MTMR8: variants seen among roughly 807,000 people sequenced by gnomAD.
MTMR8 encodes the protein myotubularin related protein 8.
MTMR8 carries 65 observed loss-of-function variants against 39.3 expected under a neutral mutation model. That is an observed-to-expected ratio of 1.65 (90% confidence interval 1.35 to 2.03). The LOEUF is 2.03. Ranked by LOEUF, MTMR8 falls within the 30% of genes most tolerant of loss-of-function variation. The probability of loss-of-function intolerance (pLI) is 0.00; values close to 1 mark genes in which losing one functional copy is unlikely to be tolerated. For synonymous variants in MTMR8, 245 were observed against 185.2 expected (o/e 1.32, Z -2.62); for missense variants, 777 against 538.9 (o/e 1.44, Z -4.37).
chrX:64,343,848 A>G (rs1569224833), intron 7 of MTMR8, 128 bp from the exon 8 acceptor site: 13 of 478,065 alleles, frequency 2.7e-5, no homozygotes, highest in Non-Finnish European at 4.7e-5. Context: ...TTAGTTAGAA[A>G]CCACACAGTG....
At chrX:64,388,814 C>G in intron 1 of MTMR8, among the ~76,000 whole-genome samples, 1 of 112,245 alleles carries the variant, frequency 8.9e-6, no homozygotes, top group Admixed American at 9.4e-5. Context: ...TTCTCGGAGC[C>G]TTTAATAGGT....
intron 12 of MTMR8, among the ~76,000 whole-genome samples, chrX:64,325,803 G>T (rs1323926372): frequency 8.9e-6 from 1 of 111,735 alleles, no homozygotes; most frequent in East Asian, 2.8e-4. Context: ...TTAGGCAAGA[G>T]AAAGAAATGA....
At chrX:64,322,212 G>T (rs1005230238) in intron 12 of MTMR8, among the ~76,000 whole-genome samples, 1 of 109,346 alleles carries the variant, frequency 9.1e-6, no homozygotes, top group African/African-American at 3.3e-5. Context: ...TGCCCAGACT[G>T]GTCTCAAACT....
At chrX:64,304,935 C>T (rs12848291) in intron 12 of MTMR8, 15 of 76,205 alleles carry the variant, frequency 2.0e-4, no homozygotes, top group African/African-American at 5.0e-4. Flanking sequence ...TACACATATA[C>T]ACACATATAT....
rs377028958 is a variant in MTMR8, at chrX:64,329,812, G to GA, written c.1353-913dup. On this transcript the variant is annotated intron_variant, in intron 11 of 13. Transcript: ENST00000374852. Reference sequence around the variant, plus strand: ...TCTCATTTGCTGTTGGTTTATAACAGAAAAAAAAAAATATTGCGTTGGTAA... The same window carrying GA: ...TCTCATTTGCTGTTGGTTTATAACAGAAAAAAAAAAAATATTGCGTTGGTAA... Among the ~76,000 whole-genome samples the GA allele has an allele frequency of 6.3e-3, 658 of 105,067 alleles. 5 individuals carry two copies. The highest frequency in any genetic ancestry group is 0.01 in the Non-Finnish European group (510 of 50,664). 91.2% of individuals were successfully genotyped at this position (105,067 alleles called of 115,157 possible).
chrX:64,319,609 G>A (rs1922572788), intron 12 of MTMR8, among the ~76,000 whole-genome samples: 1 of 111,822 alleles, frequency 8.9e-6, no homozygotes, highest in Non-Finnish European at 1.9e-5. Flanking sequence ...TCCAGTTTCA[G>A]CTTTCTACAT....
At chrX:64,348,824 A>G in intron 5 of MTMR8, 30 bp from the exon 6 acceptor site, 1 of 1,205,469 alleles carries the variant, frequency 8.3e-7, no homozygotes, top group Non-Finnish European at 1.1e-6. Flanking sequence ...CAGTTGAGTG[A>G]TTATATTCAC....
At chrX:64,302,633 C>T (rs149057470) in intron 12 of MTMR8, among the ~76,000 whole-genome samples, 362 of 112,697 alleles carry the variant, frequency 3.2e-3, no homozygotes, top group Middle Eastern at 9.3e-3. Context: ...AGGTTAGGAA[C>T]CCATTAGCTG....
chrX:64,312,901 C>G (rs1461984498), intron 12 of MTMR8, among the ~76,000 whole-genome samples: 1 of 112,479 alleles, frequency 8.9e-6, no homozygotes, highest in Non-Finnish European at 1.9e-5. Context: ...GCACAGTGCA[C>G]CTCAACAGTG....
chrX:64,354,176 G>A (rs1488127296), intron 4 of MTMR8, among the ~76,000 whole-genome samples: 1 of 107,800 alleles, frequency 9.3e-6, no homozygotes, highest in African/African-American at 3.4e-5. Context: ...GGTAAGGGTA[G>A]TGGAGTGGGG....
chrX:64,375,935 T>C (rs1924257468), intron 1 of MTMR8, among the ~76,000 whole-genome samples: 2 of 111,703 alleles, frequency 1.8e-5, no homozygotes, highest in African/African-American at 6.5e-5. Context: ...GTTCTCATGA[T>C]AGTGAGTGAG....
intron 1 of MTMR8, among the ~76,000 whole-genome samples, chrX:64,370,029 G>T (rs1924086726): frequency 9.0e-6 from 1 of 111,151 alleles, no homozygotes; most frequent in Admixed American, 9.6e-5. Flanking sequence ...ATATTAGAAT[G>T]CTTGCCTGAG....
At position 64,268,576 on chromosome X, in the gene MTMR8, C is replaced by T. The variant is rs1229698757; in HGVS notation, c.2076G>A (p.Lys692=). Residue 692 remains lysine, a synonymous_variant, in exon 14 of 14, where the codon AAG becomes AAA. Transcript: ENST00000374852. ...MGILGDTGIS[K]ASTKEADYSK... ...AGTAGTCTGCCTCCTTGGTGCTGGC[C>T]TTGGAGATGCCTGTGTCCCCCAAGA... 3 of 1,210,423 alleles carry T rather than the reference C, an allele frequency of 2.5e-6. No homozygotes were observed. Among genetic ancestry groups the T allele is most frequent in the South Asian group, 3.5e-5 (2 of 56,667 alleles).
At chrX:64,306,277 C>A in intron 12 of MTMR8, 1 of 326,370 alleles carries the variant, frequency 3.1e-6, no homozygotes, top group Non-Finnish European at 6.0e-6. Context: ...TGTGGCACAG[C>A]ATTGGACTGA....
At position 64,268,994 on chromosome X, in the gene MTMR8, T is replaced by G. The variant is rs1931695825; in HGVS notation, c.1658A>C (p.Gln553Pro). 3.3e-6 allele frequency: 4 copies of G among 1,211,688 alleles called. No individual in the cohort carries two copies. The highest frequency in any genetic ancestry group is 4.5e-6 in the Non-Finnish European group (4 of 895,361). ...ATGCTGGGATAATATGTTTCCTAAT[T>G]GAGAGCAGGTACAGATCTCTTCTGG... ...EPPEEICTCS[Q>P]LGNILSQHLG... The change falls in exon 14 of 14, where the codon CAA becomes CCA. Residue 553 changes from glutamine to proline, a missense_variant. Transcript: ENST00000374852.
At chrX:64,290,490 T>C (rs769036905) in intron 12 of MTMR8, among the ~76,000 whole-genome samples, 19 of 110,725 alleles carry the variant, frequency 1.7e-4, no homozygotes, top group Admixed American at 1.6e-3. Context: ...TTACCCAGTT[T>C]CCCCAGTGGG....
chrX:64,273,647 A>G (rs1263886135), intron 12 of MTMR8, among the ~76,000 whole-genome samples: 1 of 111,775 alleles, frequency 8.9e-6, no homozygotes, highest in Admixed American at 9.5e-5. Flanking sequence ...AAACTCCCCA[A>G]TAAAAATACA....
chrX:64,268,714 C>A lies in MTMR8; in HGVS notation c.1938G>T (p.Thr646=). 8.3e-7 allele frequency: 1 copy of A among 1,211,537 alleles called. No individual in the cohort carries two copies. Among genetic ancestry groups the A allele is most frequent in the Non-Finnish European group, 1.1e-6 (1 of 895,495 alleles). ...AGATTCCTAAGTCTTTGGAGAAGCC[C>A]GTAGCCTCAAAGGTGCACATGTCTC... The part of the protein sequence containing the change: ...ISGDMCTFEA[T]GFSKDLGICG... The change falls in exon 14 of 14, where the codon ACG becomes ACT. Residue 646 remains threonine, a synonymous_variant. Transcript: ENST00000374852.
intron 10 of MTMR8, among the ~76,000 whole-genome samples, chrX:64,332,718 G>T (rs763370222): frequency 7.2e-5 from 8 of 111,549 alleles, no homozygotes; most frequent in Admixed American, 6.7e-4. Context: ...TGTTGATGTA[G>T]ATGACTTACA....
Sources: gnomAD v4.1 joint callset for allele counts (sites outside exome capture counted in the v4.1 genomes callset) on GRCh38, gnomAD v4.1.1 for gene constraint, MANE v1.5 for transcripts, NCBI Gene and HGNC (gene_info 2026-07-23, HGNC 2026-07-21) for gene names.